LRRC8B: variants seen among roughly 807,000 people sequenced by gnomAD.
LRRC8B encodes the protein leucine rich repeat containing 8 VRAC subunit B.
Under a neutral mutation model 58.8 loss-of-function variants are expected in LRRC8B, and 23 were observed. That is an observed-to-expected ratio of 0.39 (90% CI 0.28 to 0.55). The LOEUF (loss-of-function observed/expected upper bound fraction) is 0.55, where lower values mean the gene tolerates loss of function less well. LRRC8B is among the 20% of genes least tolerant of loss of function. The probability of loss-of-function intolerance (pLI) is 0.62; values close to 1 mark genes in which losing one functional copy is unlikely to be tolerated. For missense variants in LRRC8B, 694 were observed against 936.0 expected (o/e 0.74, Z 3.37); for synonymous variants, 359 against 374.1 (o/e 0.96, Z 0.47).
At position 89,541,996 on chromosome 1, in the gene LRRC8B, T is replaced by G. The variant is rs359947; in HGVS notation, c.-241+16974T>G. 2.0e-5 allele frequency among the ~76,000 whole-genome samples: 3 copies of G among 152,038 alleles called. No homozygotes were observed. In the East Asian group the frequency reaches 5.8e-4, roughly 29 times the overall value. On this transcript the variant is annotated intron_variant, in intron 1 of 5. Transcript: ENST00000330947. ...ATTATTTAAATGACTAATTCACAGATTAAAATTTTTTAATGTAATATATGG... is the reference window on the plus strand; with the variant it reads ...ATTATTTAAATGACTAATTCACAGAGTAAAATTTTTTAATGTAATATATGG...
At chr1:89,558,833 T>C (rs1482049788) in intron 1 of LRRC8B, 1 of 152,168 alleles carries the variant, frequency 6.6e-6, no homozygotes, top group Non-Finnish European at 1.5e-5. Flanking sequence ...CAAGCCCTTT[T>C]ATAAGGCACT....
intron 1 of LRRC8B, among the ~76,000 whole-genome samples, chr1:89,556,920 A>G (rs1652233915): frequency 6.6e-6 from 1 of 152,232 alleles, no homozygotes; most frequent in African/African-American, 2.4e-5. Flanking sequence ...GAGCTGGAAC[A>G]GATAAGCAGT....
At chr1:89,569,647 A>AT (rs1024549456) in intron 3 of LRRC8B, among the ~76,000 whole-genome samples, 1 of 151,946 alleles carries the variant, frequency 6.6e-6, no homozygotes, top group Non-Finnish European at 1.5e-5. Context: ...TGATTTCATT[A>AT]TTTTTTATGG....
chr1:89,583,097 C>T lies in LRRC8B; in HGVS notation c.447C>T (p.Leu149=), dbSNP rs773011403. 1.5e-5 allele frequency: 25 copies of T among 1,613,996 alleles called. No homozygotes were observed. The highest frequency in any genetic ancestry group is 2.0e-5 in the Non-Finnish European group (24 of 1,180,044). Residue 149 remains leucine, a synonymous_variant, in exon 5 of 6, where the codon CTC becomes CTT. Coordinates refer to ENST00000330947, the MANE Select transcript of LRRC8B (RefSeq NM_001369817.2). This position sits in a 1 kb window ranked among gnomAD's most constrained non-coding sequence, Gnocchi z 5.2. ...WLHYPSTSSR[L]EHFVAILHKC... ...ACTACCCCAGTACCAGTTCCAGGCT[C>T]GAGCATTTTGTGGCCATCCTTCACA...
At chr1:89,530,677 A>G (rs542574730) in intron 1 of LRRC8B, among the ~76,000 whole-genome samples, 5 of 152,220 alleles carry the variant, frequency 3.3e-5, no homozygotes, top group Non-Finnish European at 5.9e-5. Flanking sequence ...GTGGAAAATG[A>G]CCACAGGATG....
intron 1 of LRRC8B, among the ~76,000 whole-genome samples, chr1:89,566,371 C>T (rs1002374344): frequency 3.3e-5 from 5 of 152,090 alleles, no homozygotes; most frequent in Non-Finnish European, 7.4e-5. Flanking sequence ...TTAAATCCAT[C>T]TGTTATTTAT....
chr1:89,588,066 A>G (rs1654749955), intron 5 of LRRC8B: 1 of 152,198 alleles, frequency 6.6e-6, no homozygotes, highest in Non-Finnish European at 1.5e-5. Flanking sequence ...ATGAATGCCC[A>G]CATTGTGGCT....
At chr1:89,556,184 A>C (rs917089610) in intron 1 of LRRC8B, among the ~76,000 whole-genome samples, 12 of 151,992 alleles carry the variant, frequency 7.9e-5, no homozygotes, top group Admixed American at 4.6e-4. Context: ...TTTCATAAAA[A>C]CCCCTAAACA....
intron 5 of LRRC8B, among the ~76,000 whole-genome samples, chr1:89,590,912 C>T (rs1424342530): frequency 6.6e-6 from 1 of 152,142 alleles, no homozygotes; most frequent in Non-Finnish European, 1.5e-5. Context: ...TGTCTGGAAA[C>T]ATTTTTGGTT....
intron 1 of LRRC8B, among the ~76,000 whole-genome samples, chr1:89,550,722 A>G (rs1651734411): frequency 6.6e-6 from 1 of 152,030 alleles, no homozygotes; most frequent in African/African-American, 2.4e-5. Flanking sequence ...CCCTTTTCCC[A>G]GCTCTCTAGT....
At chr1:89,574,644 CTAAT>C (rs1250130501) in intron 3 of LRRC8B, among the ~76,000 whole-genome samples, 7 of 152,038 alleles carry the variant, frequency 4.6e-5, no homozygotes, top group Non-Finnish European at 8.8e-5. Context: ...AAGAAAGAGA[CTAAT>C]TAAAGAAGAA....
At chr1:89,541,874 T>TCA (rs953161507) in intron 1 of LRRC8B, among the ~76,000 whole-genome samples, 9 of 152,064 alleles carry the variant, frequency 5.9e-5, no homozygotes, top group Admixed American at 1.3e-4. Context: ...GTAGCCACCT[T>TCA]CACACATTCT....
intron 1 of LRRC8B, among the ~76,000 whole-genome samples, chr1:89,545,271 C>T (rs1199691455): frequency 6.6e-6 from 1 of 152,182 alleles, no homozygotes. Flanking sequence ...TCTGCATTTA[C>T]AGGTAAAGAT....
Position 89,596,335 on chromosome 1 carries a change from A to G in LRRC8B, c.*3292A>G, listed in dbSNP as rs1655302972. On this transcript the variant is annotated 3_prime_UTR_variant, in exon 6 of 6. Transcript: ENST00000330947. ...ATTTCTTTCCCCTGTATGTCACTGT[A>G]TTTTATGTCACTTCACATTGTGTTA... The G allele has an allele frequency of 6.6e-6, 1 of 152,018 alleles. No individual in the cohort carries two copies. Among genetic ancestry groups the G allele is most frequent in the African/African-American group, 2.4e-5 (1 of 41,388 alleles). 9.4% of individuals were successfully genotyped at this position (152,018 alleles called of 1,614,324 possible). A position where few individuals can be genotyped will look rare whatever the true frequency, so the allele number is the denominator to read the frequency against.
chr1:89,548,909 A>G (rs1651606528), intron 1 of LRRC8B, among the ~76,000 whole-genome samples: 1 of 152,226 alleles, frequency 6.6e-6, no homozygotes, highest in Non-Finnish European at 1.5e-5. Context: ...GAGGCGTATA[A>G]ATACAATAGA....
At chr1:89,539,106 T>G (rs1003839215) in intron 1 of LRRC8B, among the ~76,000 whole-genome samples, 4 of 152,134 alleles carry the variant, frequency 2.6e-5, no homozygotes, top group African/African-American at 9.7e-5. Flanking sequence ...TTTATTGACA[T>G]TTTAGGGTAT....
intron 1 of LRRC8B, among the ~76,000 whole-genome samples, chr1:89,549,681 G>A (rs1227190745): frequency 6.6e-6 from 1 of 152,110 alleles, no homozygotes; most frequent in African/African-American, 2.4e-5. Flanking sequence ...AACTTTTAAT[G>A]AATTCAGTCA....
rs952092219 is a variant in LRRC8B at position 89,542,981 on chromosome 1, C to G, written c.-241+17959C>G. 3.9e-5 allele frequency among the ~76,000 whole-genome samples: 6 copies of G among 152,216 alleles called. No homozygotes were observed. The East Asian group carries it at 1.2e-3, about 29-fold the overall frequency. ...GTTCAGTTAACTAGACTTAAATTTA[C>G]TTTTTCCTGGTAATTTTTAAAGTAG... On this transcript the variant is annotated intron_variant, in intron 1 of 5. Transcript: ENST00000330947.
chr1:89,526,948 A>G (rs376161256), intron 1 of LRRC8B: 23 of 152,230 alleles, frequency 1.5e-4, no homozygotes, highest in Admixed American at 1.2e-3. Context: ...TCCCATTGCT[A>G]TTTTAATTTT....
Sources: gnomAD v4.1 joint callset for allele counts (sites outside exome capture counted in the v4.1 genomes callset) on GRCh38, gnomAD v4.1.1 for gene constraint, Gnocchi (gnomAD v3.1) non-coding constraint, MANE v1.5 for transcripts, NCBI Gene and HGNC (gene_info 2026-07-23, HGNC 2026-07-21) for gene names.